SUGCT: variants seen among roughly 807,000 people sequenced by gnomAD.
The protein encoded by SUGCT is succinyl-CoA:glutarate-CoA transferase.
Under a neutral mutation model 55.0 loss-of-function variants are expected in SUGCT, and 41 were observed. That is an observed-to-expected ratio of 0.74 (90% CI 0.58 to 0.97). SUGCT has a LOEUF of 0.97. Ranked by LOEUF, SUGCT falls within the 50% of genes least tolerant of loss-of-function variation. SUGCT has a pLI of 0.00. For missense variants in SUGCT, 568 were observed against 547.8 expected, an observed-to-expected ratio of 1.04 and a Z score of -0.37; for synonymous variants, 187 against 200.4, an observed-to-expected ratio of 0.93 and a Z score of 0.56.
chr7:40,386,536 G>T (rs570433302), intron 9 of SUGCT, among the ~76,000 whole-genome samples: 1 of 152,288 alleles, frequency 6.6e-6, no homozygotes, highest in African/African-American at 2.4e-5. Context: ...TGGAGTTTTG[G>T]TGGGATAGTT....
chr7:41,008,966 C>T, the SUGCT span, among the ~76,000 whole-genome samples: 1 of 152,012 alleles, frequency 6.6e-6, no homozygotes, highest in Non-Finnish European at 1.5e-5. Context: ...GATGGTATCT[C>T]TGTTTCCAGT....
chr7:41,019,311 G>A, the SUGCT span, among the ~76,000 whole-genome samples: 1 of 152,184 alleles, frequency 6.6e-6, no homozygotes, highest in Non-Finnish European at 1.5e-5. Context: ...CGATTTACAT[G>A]TCATCCACAT....
chr7:40,452,272 A>G (rs1445187236), intron 10 of SUGCT, among the ~76,000 whole-genome samples: 1 of 152,224 alleles, frequency 6.6e-6, no homozygotes, highest in Non-Finnish European at 1.5e-5. Flanking sequence ...AAGTGAGCAT[A>G]TGTAAGCTAT....
chr7:40,579,435 C>A (rs771385921), intron 12 of SUGCT, among the ~76,000 whole-genome samples: 2 of 152,158 alleles, frequency 1.3e-5, no homozygotes, highest in African/African-American at 4.8e-5. Context: ...CACCCCCACA[C>A]GTCAGGCCCA....
the SUGCT span, among the ~76,000 whole-genome samples, chr7:40,877,675 C>T: frequency 6.6e-6 from 1 of 152,192 alleles, no homozygotes; most frequent in African/African-American, 2.4e-5. Flanking sequence ...ACACCAAGAG[C>T]TGACAATGAA....
chr7:40,454,298 A>C (rs976937708), intron 10 of SUGCT, among the ~76,000 whole-genome samples: 1 of 152,204 alleles, frequency 6.6e-6, no homozygotes, highest in African/African-American at 2.4e-5. Flanking sequence ...GTAAAAGTTA[A>C]ATGCCCGTAG....
intron 13 of SUGCT, among the ~76,000 whole-genome samples, chr7:40,852,154 A>C (rs762335977): frequency 9.2e-5 from 14 of 152,328 alleles, no homozygotes; most frequent in Non-Finnish European, 1.9e-4. Context: ...GCTTGTGCCA[A>C]ACTTGTCCAT....
At chr7:40,978,515 C>T in the SUGCT span, among the ~76,000 whole-genome samples, 1 of 152,020 alleles carries the variant, frequency 6.6e-6, no homozygotes, top group African/African-American at 2.4e-5. Flanking sequence ...GCCTCAAAGT[C>T]GAAATGTGGG....
intron 12 of SUGCT, among the ~76,000 whole-genome samples, chr7:40,554,039 C>CT (rs1795437186): frequency 6.6e-6 from 1 of 152,232 alleles, no homozygotes; most frequent in Non-Finnish European, 1.5e-5. Flanking sequence ...GCATTGAACT[C>CT]TGACTCTGGG....
intron 12 of SUGCT, among the ~76,000 whole-genome samples, chr7:40,543,058 C>CA (rs1402085198): frequency 6.6e-6 from 1 of 152,190 alleles, no homozygotes; most frequent in African/African-American, 2.4e-5. Flanking sequence ...AGAAGCCCAC[C>CA]AGTGAACAAC....
At chr7:40,865,088 CCT>C (rs1225900033), downstream of SUGCT, among the ~76,000 whole-genome samples, 2 of 151,632 alleles carry the variant, frequency 1.3e-5, no homozygotes, top group Admixed American at 6.6e-5. Context: ...AACCTCTTCC[CCT>C]CTCTCTCCTT....
intron 12 of SUGCT, among the ~76,000 whole-genome samples, chr7:40,518,153 C>T (rs926386687): frequency 2.0e-5 from 3 of 151,978 alleles, no homozygotes; most frequent in Non-Finnish European, 2.9e-5. Context: ...AAAAATCAAC[C>T]GGGATACCAA....
chr7:40,938,021 G>C, the SUGCT span, among the ~76,000 whole-genome samples: 2 of 152,190 alleles, frequency 1.3e-5, no homozygotes, highest in Admixed American at 6.5e-5. Context: ...AAGATCTATT[G>C]CCTCTGTTGA....
At chr7:40,767,329 A>G (rs1788856361) in intron 13 of SUGCT, among the ~76,000 whole-genome samples, 1 of 152,238 alleles carries the variant, frequency 6.6e-6, no homozygotes, top group Admixed American at 6.5e-5. Flanking sequence ...CATAGAATGT[A>G]AATCACATGA....
At chr7:40,654,736 C>T (rs1255239009) in intron 12 of SUGCT, among the ~76,000 whole-genome samples, 1 of 152,082 alleles carries the variant, frequency 6.6e-6, no homozygotes, top group Non-Finnish European at 1.5e-5. Context: ...ATTGTGATGC[C>T]TTGTTCCACC....
intron 9 of SUGCT, among the ~76,000 whole-genome samples, chr7:40,437,084 T>C (rs187077773): frequency 8.3e-4 from 127 of 152,354 alleles, no homozygotes; most frequent in African/African-American, 2.9e-3. Context: ...AGATACATGA[T>C]AACTGCCTTC....
chr7:41,013,712 G>C, the SUGCT span, among the ~76,000 whole-genome samples: 2 of 151,716 alleles, frequency 1.3e-5, no homozygotes, highest in African/African-American at 2.4e-5. Context: ...ACCTCATAAA[G>C]TTTTGATCAG....
chr7:40,146,500 C>A (rs1300467848), intron 1 of SUGCT, among the ~76,000 whole-genome samples: 1 of 152,194 alleles, frequency 6.6e-6, no homozygotes, highest in Non-Finnish European at 1.5e-5. Context: ...TTATTGACAG[C>A]AAGTCAGTCG....
At chr7:40,662,650 T>G (rs1013619940) in intron 12 of SUGCT, among the ~76,000 whole-genome samples, 1 of 152,216 alleles carries the variant, frequency 6.6e-6, no homozygotes, top group Admixed American at 6.5e-5. Context: ...ATTCTCCTCC[T>G]CTTTCAGGTC....
Sources: allele counts gnomAD v4.1 joint callset (sites outside exome capture counted in the v4.1 genomes callset), GRCh38; gene constraint gnomAD v4.1.1; transcripts MANE v1.5; gene names NCBI Gene and HGNC (gene_info 2026-07-23, HGNC 2026-07-21).